Variants in PCDH9 observed in about 807,000 individuals in gnomAD.
The protein encoded by PCDH9 is protocadherin-9.
Under a neutral mutation model 70.6 loss-of-function variants are expected in PCDH9, and 24 were observed. That is an observed-to-expected ratio of 0.34 (90% confidence interval 0.25 to 0.48). The LOEUF (loss-of-function observed/expected upper bound fraction) is 0.48, where lower values mean the gene tolerates loss of function less well. PCDH9 is among the 20% of genes least tolerant of loss of function. The pLI, the probability that PCDH9 is intolerant of heterozygous loss-of-function variation, is 0.99. For synonymous variants in PCDH9, 562 were observed against 558.5 expected, an observed-to-expected ratio of 1.01 and a Z score of -0.09; for missense variants, 1,281 against 1,503.6, an observed-to-expected ratio of 0.85 and a Z score of 2.45.
chr13:67,053,396 T>A (rs757329226), intron 2 of PCDH9, among the ~76,000 whole-genome samples: 2 of 152,052 alleles, frequency 1.3e-5, no homozygotes, highest in South Asian at 4.1e-4. Context: ...CAAAGTGTCA[T>A]AGAATAAAGA....
At chr13:66,424,367 G>A (rs1413534597) in intron 4 of PCDH9, among the ~76,000 whole-genome samples, 2 of 151,862 alleles carry the variant, frequency 1.3e-5, no homozygotes, top group Non-Finnish European at 2.9e-5. Flanking sequence ...AATTGAGCAA[G>A]CCTACAGGAT....
chr13:66,543,050 C>A (rs1018372477), intron 4 of PCDH9, among the ~76,000 whole-genome samples: 1 of 151,644 alleles, frequency 6.6e-6, no homozygotes, highest in Non-Finnish European at 1.5e-5. Flanking sequence ...GAGTGTTAAT[C>A]AAAATATCTT....
At chr13:66,972,250 G>C (rs777600280) in intron 2 of PCDH9, among the ~76,000 whole-genome samples, 4 of 151,908 alleles carry the variant, frequency 2.6e-5, no homozygotes, top group Admixed American at 6.6e-5. Context: ...GATATTCATA[G>C]CTACATCATC....
At chr13:66,490,185 A>G (rs1316746331) in intron 4 of PCDH9, among the ~76,000 whole-genome samples, 1 of 152,198 alleles carries the variant, frequency 6.6e-6, no homozygotes, top group African/African-American at 2.4e-5. Flanking sequence ...TGCTGTATAA[A>G]AGGGATGATC....
At chr13:66,865,253 T>C (rs1054704977) in intron 3 of PCDH9, among the ~76,000 whole-genome samples, 7 of 152,230 alleles carry the variant, frequency 4.6e-5, no homozygotes, top group East Asian at 1.9e-4. Context: ...GTACTCATTA[T>C]GGGCATTAAT....
intron 2 of PCDH9, among the ~76,000 whole-genome samples, chr13:67,004,902 C>T (rs1253484303): frequency 1.3e-5 from 2 of 151,888 alleles, no homozygotes; most frequent in Non-Finnish European, 2.9e-5. Flanking sequence ...CAGCATTGTC[C>T]AAGCAATCTT....
intron 2 of PCDH9, among the ~76,000 whole-genome samples, chr13:66,980,730 G>GTTTTTTTCTTTTTTT (rs2083730519): frequency 1.4e-5 from 1 of 70,872 alleles, no homozygotes; most frequent in African/African-American, 5.3e-5. Context: ...TTTTTTCTTT[G>GTTTTTTTCTTTTTTT]TTTTTTTTTT....
chr13:66,808,505 G>A (rs114945678), intron 3 of PCDH9, among the ~76,000 whole-genome samples: 3,167 of 139,444 alleles, frequency 0.023, 130 homozygotes, highest in African/African-American at 0.073. Flanking sequence ...CACTGCTAAA[G>A]TAAAACAAAA....
intron 3 of PCDH9, among the ~76,000 whole-genome samples, chr13:66,893,829 A>AT (rs1237146592): frequency 5.3e-5 from 8 of 151,914 alleles, no homozygotes; most frequent in Non-Finnish European, 7.4e-5. Flanking sequence ...ATTCTAACCT[A>AT]TTTTTTTCTA....
At chr13:67,047,360 T>C (rs1385188898) in intron 2 of PCDH9, among the ~76,000 whole-genome samples, 3 of 152,212 alleles carry the variant, frequency 2.0e-5, no homozygotes, top group Non-Finnish European at 4.4e-5. Flanking sequence ...TTTCTAATAA[T>C]AGCTTTAACT....
chr13:67,115,578 G>T (rs548668021), intron 2 of PCDH9, among the ~76,000 whole-genome samples: 41 of 152,310 alleles, frequency 2.7e-4, no homozygotes, highest in African/African-American at 9.6e-4. Context: ...AACACTAATG[G>T]TGATTAATAT....
chr13:66,929,012 T>C (rs1452463113), intron 2 of PCDH9, among the ~76,000 whole-genome samples: 1 of 151,178 alleles, frequency 6.6e-6, no homozygotes, highest in Non-Finnish European at 1.5e-5. Flanking sequence ...GAGAATAACT[T>C]TGATAGAGAA....
At chr13:66,398,374 C>T (rs1957138474) in intron 4 of PCDH9, among the ~76,000 whole-genome samples, 1 of 151,898 alleles carries the variant, frequency 6.6e-6, no homozygotes, top group African/African-American at 2.4e-5. Context: ...ATATAATATG[C>T]TGTTGGGTTT....
intron 3 of PCDH9, among the ~76,000 whole-genome samples, chr13:66,831,707 T>C (rs1414642370): frequency 6.6e-6 from 1 of 152,184 alleles, no homozygotes; most frequent in East Asian, 1.9e-4. Flanking sequence ...TGTGTCCAAA[T>C]CAATTGTTGT....
intron 3 of PCDH9, among the ~76,000 whole-genome samples, chr13:66,861,091 T>G (rs1792325053): frequency 6.6e-6 from 1 of 152,204 alleles, no homozygotes; most frequent in Non-Finnish European, 1.5e-5. Context: ...GTCTAGTGGC[T>G]CCTTCTAAGT....
chr13:66,934,879 C>T (rs1295051686), intron 2 of PCDH9, among the ~76,000 whole-genome samples: 5 of 148,138 alleles, frequency 3.4e-5, no homozygotes, highest in Middle Eastern at 3.4e-3. Context: ...CGCTACCACG[C>T]CCGGCTAATT....
intron 3 of PCDH9, among the ~76,000 whole-genome samples, chr13:66,771,705 G>A (rs1375969643): frequency 1.3e-5 from 2 of 152,082 alleles, no homozygotes; most frequent in Admixed American, 1.3e-4. Context: ...TCAAATTTTG[G>A]ACTCTTTAAC....
In PCDH9 at chr13:66,931,789, T is replaced by C. The variant is rs933744236; in HGVS notation, c.3037-28184A>G. ...TACTCTGGTTTAATATTATTAATCA[T>C]TTCAATGCTTGTGAAGATTTTCCAG... is the stretch of plus-strand genomic sequence containing the variant. On this transcript the variant is annotated intron_variant, in intron 2 of 4. Coordinates refer to ENST00000377865, the MANE Select transcript of PCDH9 (RefSeq NM_203487.3). 2.6e-5 allele frequency among the ~76,000 whole-genome samples: 4 copies of C among 152,262 alleles called. No homozygotes were observed. The East Asian group carries it at 7.7e-4, about 29-fold the overall frequency.
chr13:66,878,199 TTTATTA>T (rs1194856594), intron 3 of PCDH9, among the ~76,000 whole-genome samples: 1 of 151,604 alleles, frequency 6.6e-6, no homozygotes, highest in Non-Finnish European at 1.5e-5. Flanking sequence ...GGACTAATTT[TTTATTA>T]TTATTATTTT....
Sources: gnomAD v4.1 joint callset for allele counts (sites outside exome capture counted in the v4.1 genomes callset) on GRCh38, gnomAD v4.1.1 for gene constraint, MANE v1.5 for transcripts, NCBI Gene and HGNC (gene_info 2026-07-23, HGNC 2026-07-21) for gene names.